DAPK1: variants seen among roughly 807,000 people sequenced by gnomAD.
DAPK1 encodes death-associated protein kinase 1.
A neutral mutation model predicts 144.9 loss-of-function variants in DAPK1; 56 were observed. That is an observed-to-expected ratio of 0.39 (90% CI 0.31 to 0.48). The LOEUF is 0.48. Among genes scored for constraint, DAPK1 ranks in the 20% least tolerant of loss-of-function variants. The pLI is 0.95. For missense variants in DAPK1, 1,454 were observed against 1,875.4 expected (o/e 0.78, Z 4.15); for synonymous variants, 690 against 749.0 (o/e 0.92, Z 1.29).
chr9:87,524,198 G>A (rs576318041), intron 2 of DAPK1, among the ~76,000 whole-genome samples: 2 of 152,284 alleles, frequency 1.3e-5, no homozygotes, highest in South Asian at 2.1e-4. Context: ...GGGAAGGGGT[G>A]CCTGTTTCTC....
intron 2 of DAPK1, among the ~76,000 whole-genome samples, chr9:87,601,663 C>T (rs1272290349): frequency 2.6e-5 from 4 of 152,106 alleles, no homozygotes; most frequent in Non-Finnish European, 4.4e-5. Flanking sequence ...CTAACAGTTA[C>T]TGAAGACTCC....
intron 2 of DAPK1, among the ~76,000 whole-genome samples, chr9:87,502,017 C>T (rs1824420896): frequency 6.6e-6 from 1 of 152,122 alleles, no homozygotes; most frequent in African/African-American, 2.4e-5. Flanking sequence ...AGTTGATCAG[C>T]AGTAGAGAGT....
chr9:87,611,774 T>A (rs1347897323), intron 3 of DAPK1, among the ~76,000 whole-genome samples: 3 of 152,212 alleles, frequency 2.0e-5, no homozygotes, highest in Non-Finnish European at 4.4e-5. Flanking sequence ...ATTTTTCCTT[T>A]TTTCCTAACC....
At chr9:87,651,941 G>C (rs1587812664) in intron 17 of DAPK1, among the ~76,000 whole-genome samples, 2 of 122,654 alleles carry the variant, frequency 1.6e-5, no homozygotes, top group Admixed American at 8.2e-5. Flanking sequence ...CCTCCCACCT[G>C]ATCCCGGGTC....
chr9:87,659,665 C>G (rs1454097998), intron 18 of DAPK1, among the ~76,000 whole-genome samples: 1 of 152,174 alleles, frequency 6.6e-6, no homozygotes, highest in African/African-American at 2.4e-5. Flanking sequence ...CCCCGCCTGG[C>G]TCCTCCTCAG....
chr9:87,697,922 T>A lies in DAPK1; in HGVS notation c.2611+718T>A, dbSNP rs559312755. ...TGAGCCAAGATCGTGCCACTGCACTTAGCCTGGGTGACACAGTGAGACCCT... is the reference window on the plus strand; with the variant it reads ...TGAGCCAAGATCGTGCCACTGCACTAAGCCTGGGTGACACAGTGAGACCCT... On this transcript the variant is annotated intron_variant, in intron 22 of 25. Coordinates refer to ENST00000408954, the MANE Select transcript of DAPK1 (RefSeq NM_004938.4). 7.9e-5 allele frequency among the ~76,000 whole-genome samples: 12 copies of A among 152,222 alleles called. No individual in the cohort carries two copies. In the South Asian group the frequency reaches 2.5e-3, roughly 32 times the overall value.
intron 18 of DAPK1, among the ~76,000 whole-genome samples, chr9:87,664,969 G>C (rs1382574594): frequency 6.6e-6 from 1 of 152,344 alleles, no homozygotes; most frequent in Non-Finnish European, 1.5e-5. Context: ...CTTTGCACTT[G>C]CTATTCTTGG....
intron 2 of DAPK1, among the ~76,000 whole-genome samples, chr9:87,504,752 G>A (rs781051544): frequency 6.6e-6 from 1 of 152,082 alleles, no homozygotes; most frequent in African/African-American, 2.4e-5. Flanking sequence ...TATATAAAAT[G>A]GCATAGTATT....
intron 2 of DAPK1, among the ~76,000 whole-genome samples, chr9:87,558,138 GT>G (rs1563992738): frequency 6.6e-6 from 1 of 152,098 alleles, no homozygotes; most frequent in Non-Finnish European, 1.5e-5. Flanking sequence ...TCACAGTCCT[GT>G]CATCTTGCCA....
intron 21 of DAPK1, among the ~76,000 whole-genome samples, chr9:87,688,796 G>A (rs1475432076): frequency 6.6e-6 from 1 of 151,946 alleles, no homozygotes; most frequent in Admixed American, 6.6e-5. Context: ...GTTTTTACTT[G>A]TTCAACTCTT....
At chr9:87,603,173 G>A (rs937189027) in intron 2 of DAPK1, among the ~76,000 whole-genome samples, 2 of 152,022 alleles carry the variant, frequency 1.3e-5, no homozygotes, top group Non-Finnish European at 2.9e-5. Flanking sequence ...TTGTAAGGAG[G>A]GGCCTGGACT....
chr9:87,509,982 A>G (rs1824769339), intron 2 of DAPK1, among the ~76,000 whole-genome samples: 1 of 152,220 alleles, frequency 6.6e-6, no homozygotes, highest in Admixed American at 6.5e-5. Context: ...TAGATGGACT[A>G]AACAGAATAT....
rs1564038870 is a variant in DAPK1 at position 87,640,789 on chromosome 9, C to T, written c.783-13C>T. ...GGTCACAGCATTTTTTTTCTTCTCC[C>T]CCTCCCCTCAAGGAAGAGAATGACA... On this transcript the variant is annotated splice_polypyrimidine_tract_variant and intron_variant, in intron 8 of 25. Transcript: ENST00000408954. 1 of 1,613,852 alleles carries T rather than the reference C, an allele frequency of 6.2e-7. No individual in the cohort carries two copies. The highest frequency in any genetic ancestry group is 1.3e-5 in the African/African-American group (1 of 75,024).
At chr9:87,572,502 G>A (rs941576590) in intron 2 of DAPK1, among the ~76,000 whole-genome samples, 1 of 152,126 alleles carries the variant, frequency 6.6e-6, no homozygotes, top group African/African-American at 2.4e-5. Context: ...GTTGGAGGTG[G>A]GGCCTGGTGG....
chr9:87,647,729 G>C (rs887976172), intron 14 of DAPK1, among the ~76,000 whole-genome samples: 9 of 152,218 alleles, frequency 5.9e-5, no homozygotes, highest in Admixed American at 3.3e-4. Context: ...ACTCAACCTT[G>C]TGCTTTTAAG....
intron 2 of DAPK1, among the ~76,000 whole-genome samples, chr9:87,510,233 A>G (rs1053508162): frequency 2.6e-5 from 4 of 152,186 alleles, no homozygotes; most frequent in African/African-American, 4.8e-5. Flanking sequence ...CCTCGTGGCC[A>G]TGGAGAAGCA....
At chr9:87,570,293 C>T (rs1361883743) in intron 2 of DAPK1, among the ~76,000 whole-genome samples, 2 of 152,204 alleles carry the variant, frequency 1.3e-5, no homozygotes, top group Admixed American at 6.5e-5. Flanking sequence ...ATAGAAACTT[C>T]ACTTCTGACT....
intron 19 of DAPK1, among the ~76,000 whole-genome samples, chr9:87,676,110 G>A (rs1375750028): frequency 6.6e-6 from 1 of 152,150 alleles, no homozygotes; most frequent in African/African-American, 2.4e-5. Flanking sequence ...AAAAATGTCG[G>A]TGGCACCATA....
intron 2 of DAPK1, among the ~76,000 whole-genome samples, chr9:87,509,712 CT>C (rs1824758622): frequency 6.6e-6 from 1 of 152,216 alleles, no homozygotes. Context: ...AGAAAATTGT[CT>C]TCCTAGATAT....
Sources: allele counts gnomAD v4.1 joint callset (sites outside exome capture counted in the v4.1 genomes callset), GRCh38; gene constraint gnomAD v4.1.1; transcripts MANE v1.5; gene names NCBI Gene and HGNC (gene_info 2026-07-23, HGNC 2026-07-21).